BRF1: variants seen among roughly 807,000 people sequenced by gnomAD.
BRF1 encodes the protein BRF1 general transcription factor IIIB subunit, also known as transcription factor IIIB 90 kDa subunit.
A neutral mutation model predicts 81.7 loss-of-function variants in BRF1; 59 were observed. The observed-to-expected ratio is 0.72, with a 90% CI of 0.59 to 0.90. BRF1 has a LOEUF of 0.90. Among genes scored for constraint, BRF1 ranks in the 40% least tolerant of loss-of-function variants. BRF1 has a pLI of 0.00. For synonymous variants in BRF1, 491 were observed against 395.6 expected (o/e 1.24, Z -2.86); for missense variants, 1,050 against 936.3 (o/e 1.12, Z -1.58).
intron 3 of BRF1, among the ~76,000 whole-genome samples, chr14:105,262,427 T>C (rs2056201908): frequency 6.6e-6 from 1 of 152,184 alleles, no homozygotes; most frequent in African/African-American, 2.4e-5. Flanking sequence ...GAAGAGCCAG[T>C]GGGTCATTGC....
At position 105,226,714 on chromosome 14, in the gene BRF1, C is replaced by G; in HGVS notation, c.835G>C (p.Glu279Gln). ...TCCTCCAGGTCGATCTTCATGAACT[C>G]ATCAATGGTCAACTGACTGGTGGGG... Reference protein sequence around the residue: ...DTPTSQLTIDEFMKIDLEEEC... With the variant: ...DTPTSQLTIDQFMKIDLEEEC... The change falls in exon 8 of 18, where the codon GAG becomes CAG. Residue 279 changes from glutamate to glutamine, a missense_variant. Transcript: ENST00000547530. 1 of 1,613,734 alleles carries G rather than the reference C, an allele frequency of 6.2e-7. No homozygotes were observed. The highest frequency in any genetic ancestry group is 8.5e-7 in the Non-Finnish European group (1 of 1,180,026).
chr14:105,217,416 G>A, intron 15 of BRF1, 128 bp downstream of exon 15: 23 of 1,425,708 alleles, frequency 1.6e-5, no homozygotes, highest in Non-Finnish European at 2.1e-5. Flanking sequence ...CAGCATGCAG[G>A]TGGCAAATGC....
At chr14:105,287,664 C>T (rs1049134746) in intron 1 of BRF1, among the ~76,000 whole-genome samples, 1 of 152,224 alleles carries the variant, frequency 6.6e-6, no homozygotes, top group Non-Finnish European at 1.5e-5. Flanking sequence ...CAGCGTCATC[C>T]AGGGGCAGCC....
At chr14:105,219,090 C>T (rs764044555) in intron 13 of BRF1, 37 bp from the exon 14 acceptor site, 3 of 1,613,964 alleles carry the variant, frequency 1.9e-6, no homozygotes, top group Middle Eastern at 1.7e-4. Flanking sequence ...TCACTGAGGG[C>T]CCACGCCCCA....
At chr14:105,261,272 G>A (rs947392283) in intron 3 of BRF1, among the ~76,000 whole-genome samples, 6 of 152,228 alleles carry the variant, frequency 3.9e-5, no homozygotes, top group Non-Finnish European at 8.8e-5. Flanking sequence ...CTCAAAGGGC[G>A]CCAGACATTC....
upstream of BRF1, among the ~76,000 whole-genome samples, chr14:105,305,955 G>A (rs2058174912): frequency 6.6e-6 from 1 of 152,266 alleles, no homozygotes; most frequent in African/African-American, 2.4e-5. Flanking sequence ...CGCTCTGGCT[G>A]TAAACAGGGA....
intron 7 of BRF1, chr14:105,227,997 G>C (rs1342266984): frequency 6.6e-6 from 1 of 152,218 alleles, no homozygotes; most frequent in East Asian, 1.9e-4. Flanking sequence ...GTGCAGGCGA[G>C]CTGTGAGGAA....
intron 6 of BRF1, among the ~76,000 whole-genome samples, chr14:105,229,428 C>T (rs142363123): frequency 7.2e-5 from 11 of 152,346 alleles, no homozygotes; most frequent in African/African-American, 2.4e-4. Flanking sequence ...GGTACCTGGC[C>T]TGCCGGGTAG....
At chr14:105,243,417 T>G (rs1480909233) in intron 5 of BRF1, among the ~76,000 whole-genome samples, 1 of 149,574 alleles carries the variant, frequency 6.7e-6, no homozygotes, top group Non-Finnish European at 1.5e-5. Flanking sequence ...GCCACTGCAC[T>G]CCAGCCTGGG....
At position 105,241,252 on chromosome 14, in the gene BRF1, G is replaced by T. The variant is rs1473894867; in HGVS notation, c.694+13C>A. The T allele has an allele frequency of 6.2e-7, 1 of 1,609,518 alleles. No homozygotes were observed. The highest frequency in any genetic ancestry group is 1.3e-5 in the African/African-American group (1 of 75,010). ...CAGACCAGCATCCCCCAGGCAGGCAGGGCCCGCTGTACCTGCTCCGCAGAG... is the reference window on the plus strand; with the variant it reads ...CAGACCAGCATCCCCCAGGCAGGCATGGCCCGCTGTACCTGCTCCGCAGAG... On this transcript the variant is annotated intron_variant, in intron 6 of 17. Transcript: ENST00000547530.
At chr14:105,313,556 A>G (rs759659755) in intron 1 of BRF1, among the ~76,000 whole-genome samples, 4 of 152,242 alleles carry the variant, frequency 2.6e-5, no homozygotes, top group Non-Finnish European at 4.4e-5. Flanking sequence ...TTACAGCTGG[A>G]GGCTGAGCTC....
At chr14:105,297,759 G>A (rs1325269376) in intron 1 of BRF1, among the ~76,000 whole-genome samples, 1 of 152,100 alleles carries the variant, frequency 6.6e-6, no homozygotes, top group East Asian at 1.9e-4. Flanking sequence ...CACTTTGGGA[G>A]GCTGAGGCAG....
intron 12 of BRF1, 86 bp downstream of exon 12, chr14:105,219,983 C>G: frequency 6.5e-7 from 1 of 1,532,432 alleles, no homozygotes; most frequent in Non-Finnish European, 8.9e-7. Flanking sequence ...GGGGAGGTGG[C>G]CAACCCCGCC....
Position 105,252,356 on chromosome 14 carries a change from T to A in BRF1, c.544+151A>T, listed in dbSNP as rs587712498. The A allele has an allele frequency of 8.4e-5, 118 of 1,412,406 alleles. No individual in the cohort carries two copies. In the African/African-American group the frequency reaches 1.1e-3, roughly 13 times the overall value. The allele number at this position is 1,412,406 out of a possible 1,614,324, so 87.5% of individuals were successfully genotyped here. ...GTGTCTTAGAAAATAAGGCCCCACA[T>A]TACTGAGCTCCTAGCAGCTTTAAGA... On this transcript the variant is annotated intron_variant, in intron 5 of 17. Coordinates refer to ENST00000547530, the MANE Select transcript of BRF1 (RefSeq NM_001519.4).
At chr14:105,260,091 G>A (rs771827615) in intron 3 of BRF1, among the ~76,000 whole-genome samples, 6 of 152,158 alleles carry the variant, frequency 3.9e-5, no homozygotes, top group African/African-American at 7.2e-5. Context: ...CTGGGCTGAC[G>A]GGTGACCGTT....
chr14:105,220,987 C>A (rs1892192220), intron 11 of BRF1, among the ~76,000 whole-genome samples: 1 of 152,232 alleles, frequency 6.6e-6, no homozygotes, highest in Non-Finnish European at 1.5e-5. Flanking sequence ...GCAGCCCCAA[C>A]CATCAGGATT....
intron 1 of BRF1, among the ~76,000 whole-genome samples, chr14:105,300,198 C>A (rs1394076226): frequency 6.6e-6 from 1 of 152,270 alleles, no homozygotes; most frequent in Non-Finnish European, 1.5e-5. Flanking sequence ...CTTCAACCCT[C>A]CCTGTGCTGG....
intron 12 of BRF1, 174 bp from the exon 13 acceptor site, chr14:105,219,406 C>A (rs937628859): frequency 2.9e-6 from 4 of 1,389,606 alleles, no homozygotes; most frequent in Non-Finnish European, 2.9e-6. Flanking sequence ...GAGTTGGGGA[C>A]CTGTTGCTCT....
At chr14:105,296,094 A>C (rs931321539) in intron 1 of BRF1, among the ~76,000 whole-genome samples, 4 of 151,418 alleles carry the variant, frequency 2.6e-5, no homozygotes, top group South Asian at 2.1e-4. Flanking sequence ...AAAAAAAAAA[A>C]AAAAAAAACT....
Sources: gnomAD v4.1 joint callset for allele counts (sites outside exome capture counted in the v4.1 genomes callset) on GRCh38, gnomAD v4.1.1 for gene constraint, MANE v1.5 for transcripts, NCBI Gene and HGNC (gene_info 2026-07-23, HGNC 2026-07-21) for gene names.